The following RGS3 variants were observed in gnomAD, a reference collection of about 807,000 sequenced individuals.
The protein encoded by RGS3 is regulator of G-protein signalling 3.
In RGS3, 80 loss-of-function variants were observed where a neutral mutation model predicts 132.6. The ratio of observed to expected loss-of-function variants is 0.60; its 90% confidence interval spans 0.50 to 0.73. The LOEUF (loss-of-function observed/expected upper bound fraction) is 0.73, where lower values mean the gene tolerates loss of function less well. RGS3 is among the 30% of genes least tolerant of loss of function. RGS3 has a pLI of 0.00. For synonymous variants in RGS3, 598 were observed against 620.6 expected, an observed-to-expected ratio of 0.96 and a Z score of 0.54; for missense variants, 1,382 against 1,530.8, an observed-to-expected ratio of 0.90 and a Z score of 1.62.
At chr9:113,553,184 G>A (rs1833409213) in intron 19 of RGS3, among the ~76,000 whole-genome samples, 1 of 151,676 alleles carries the variant, frequency 6.6e-6, no homozygotes, top group Non-Finnish European at 1.5e-5. Flanking sequence ...GCTCACACCT[G>A]TAATCACAGC....
At chr9:113,480,951 C>G (rs1830141003) in intron 4 of RGS3, among the ~76,000 whole-genome samples, 3 of 152,236 alleles carry the variant, frequency 2.0e-5, no homozygotes, top group Admixed American at 2.0e-4. Context: ...ACGGTACCCT[C>G]CACCTCCAGC....
In RGS3 at chr9:113,448,096, C is replaced by T. The variant is rs544728428; in HGVS notation, c.-13+3169C>T. 3.0e-4 allele frequency among the ~76,000 whole-genome samples: 46 copies of T among 152,114 alleles called. No individual in the cohort carries two copies. In the South Asian group the frequency reaches 6.7e-3, roughly 22 times the overall value. On this transcript the variant is annotated intron_variant, in intron 1 of 25. Transcript: ENST00000374140. Reference sequence around the variant, plus strand: ...TGATCTCAAACTCCTGGGCTCAAGCCATCCTCCTGCCTCAACCTTCCAAAG... The same window carrying T: ...TGATCTCAAACTCCTGGGCTCAAGCTATCCTCCTGCCTCAACCTTCCAAAG...
chr9:113,482,060 A>C (rs1019592999), intron 4 of RGS3, among the ~76,000 whole-genome samples: 23 of 150,518 alleles, frequency 1.5e-4, no homozygotes, highest in Non-Finnish European at 2.7e-4. Flanking sequence ...AAAAAAAAAA[A>C]CAAAAAAAAC....
intron 19 of RGS3, chr9:113,582,540 C>A (rs1292450070): frequency 2.0e-5 from 3 of 152,198 alleles, no homozygotes; most frequent in African/African-American, 7.2e-5. Flanking sequence ...GGGGCCCACC[C>A]CAGACTTGAG....
At chr9:113,498,921 GAAAAAAAAAAA>G (rs755573432) in intron 10 of RGS3, among the ~76,000 whole-genome samples, 1 of 47,380 alleles carries the variant, frequency 2.1e-5, no homozygotes, top group African/African-American at 8.0e-5. Flanking sequence ...TGTCTCAATT[GAAAAAAAAAAA>G]AAAAAAAAAA....
At chr9:113,448,674 A>G (rs1829171690) in intron 1 of RGS3, among the ~76,000 whole-genome samples, 3 of 152,208 alleles carry the variant, frequency 2.0e-5, no homozygotes, top group Admixed American at 6.5e-5. Context: ...TGTCTTCACT[A>G]TATAAATATC....
chr9:113,465,476 T>TGTGTGTGTGTGCGC (rs796647799), intron 3 of RGS3, among the ~76,000 whole-genome samples: 2 of 151,422 alleles, frequency 1.3e-5, no homozygotes, highest in Non-Finnish European at 2.9e-5. Flanking sequence ...TGTGTGTGTG[T>TGTGTGTGTGTGCGC]GTGTGCCTGT....
At chr9:113,560,711 T>A (rs1833749262) in intron 19 of RGS3, among the ~76,000 whole-genome samples, 1 of 152,230 alleles carries the variant, frequency 6.6e-6, no homozygotes, top group Non-Finnish European at 1.5e-5. Flanking sequence ...ACCAGGGCTG[T>A]GAGCCCCAGG....
intron 18 of RGS3, among the ~76,000 whole-genome samples, chr9:113,535,198 G>T (rs1832628909): frequency 6.6e-6 from 1 of 151,366 alleles, no homozygotes; most frequent in Admixed American, 6.6e-5. Flanking sequence ...CACCCAGGCT[G>T]AGTCTGGCTT....
chr9:113,455,012 C>T (rs947376875), intron 1 of RGS3, among the ~76,000 whole-genome samples: 3 of 152,132 alleles, frequency 2.0e-5, no homozygotes, highest in Admixed American at 2.0e-4. Flanking sequence ...ACTGTCTCCT[C>T]TCTGGTACTC....
At chr9:113,524,340 A>G (rs894878584) in intron 17 of RGS3, among the ~76,000 whole-genome samples, 7 of 151,998 alleles carry the variant, frequency 4.6e-5, no homozygotes, top group Non-Finnish European at 8.8e-5. Flanking sequence ...CCCCCAGCCC[A>G]GACAGTCTAG....
intron 17 of RGS3, among the ~76,000 whole-genome samples, chr9:113,523,987 T>C (rs1397232959): frequency 6.6e-6 from 1 of 152,234 alleles, no homozygotes; most frequent in Non-Finnish European, 1.5e-5. Context: ...TCTCGGGCTC[T>C]GGCCTTTCCC....
At position 113,454,682 on chromosome 9, in the gene RGS3, A is replaced by ATT. The variant is rs1564439172; in HGVS notation, c.-12-5563_-12-5562insTT. On this transcript the variant is annotated intron_variant, in intron 1 of 25. Transcript: ENST00000374140. ...TGATCCTTTTGGGTCTTGCTTTTAA[A>ATT]CTTTTTTTTTTTTTTTTTTTTTTAG... 2.1e-3 allele frequency among the ~76,000 whole-genome samples: 305 copies of ATT among 146,200 alleles called. 1 individual carries two copies. Among genetic ancestry groups the ATT allele is most frequent in the African/African-American group, 7.0e-3 (276 of 39,638 alleles).
upstream of RGS3, among the ~76,000 whole-genome samples, chr9:113,456,803 A>C (rs1829371368): frequency 6.6e-6 from 1 of 151,818 alleles, no homozygotes; most frequent in African/African-American, 2.4e-5. Context: ...TATATGATTT[A>C]TTTATTTTTT....
chr9:113,447,998 C>T (rs1829151199), intron 1 of RGS3, among the ~76,000 whole-genome samples: 1 of 151,986 alleles, frequency 6.6e-6, no homozygotes, highest in African/African-American at 2.4e-5. Context: ...GCTGGGATTA[C>T]ATGTGTGTGC....
At chr9:113,457,971 G>A (rs951706665), upstream of RGS3, among the ~76,000 whole-genome samples, 4 of 152,206 alleles carry the variant, frequency 2.6e-5, no homozygotes, top group African/African-American at 9.6e-5. Flanking sequence ...TTAGAAACAG[G>A]AAACTATAGA....
intron 23 of RGS3, 174 bp downstream of exon 21, chr9:113,595,154 G>A: frequency 1.6e-6 from 1 of 640,592 alleles, no homozygotes; most frequent in Non-Finnish European, 2.7e-6. Flanking sequence ...GTCTGGCCTT[G>A]GAGCCAGCTT....
At chr9:113,503,654 T>C (rs1278931041) in intron 10 of RGS3, among the ~76,000 whole-genome samples, 1 of 152,004 alleles carries the variant, frequency 6.6e-6, no homozygotes, top group African/African-American at 2.4e-5. Flanking sequence ...GAGCCCAGGG[T>C]GCTGGGATGG....
At chr9:113,569,631 T>TTCCTTCCTTCCTTCCG in intron 19 of RGS3, among the ~76,000 whole-genome samples, 1 of 150,398 alleles carries the variant, frequency 6.6e-6, no homozygotes, top group Non-Finnish European at 1.5e-5. Context: ...CCTTCCTTCC[T>TTCCTTCCTTCCTTCCG]TCCTTCCTTC....
Sources: allele counts gnomAD v4.1 joint callset (sites outside exome capture counted in the v4.1 genomes callset), GRCh38; gene constraint gnomAD v4.1.1; transcripts MANE v1.5; gene names NCBI Gene and HGNC (gene_info 2026-07-23, HGNC 2026-07-21).